Variants in GARIN2 observed in about 807,000 individuals in gnomAD.
GARIN2 encodes the protein golgi associated RAB2 interactor family member 2, also known as Golgi-associated RAB2 interactor protein 2.
At chr14:67,198,114 A>T in the GARIN2 span, 3 of 1,586,634 alleles carry the variant, frequency 1.9e-6, no homozygotes, top group East Asian at 6.7e-5. Flanking sequence ...TGTATCCACT[A>T]ATTGTGTTTC....
chr14:67,213,039 C>A, the GARIN2 span, among the ~76,000 whole-genome samples: 1 of 150,946 alleles, frequency 6.6e-6, no homozygotes, highest in African/African-American at 2.4e-5. Context: ...AATGCTTAGG[C>A]CTCACCCCAT....
chr14:67,208,420 G>C, the GARIN2 span: 2 of 1,613,954 alleles, frequency 1.2e-6, no homozygotes, highest in African/African-American at 1.3e-5. Flanking sequence ...CTGATTTTCA[G>C]AGCACAGCTC....
the GARIN2 span, among the ~76,000 whole-genome samples, chr14:67,222,315 G>T: frequency 6.6e-6 from 1 of 152,100 alleles, no homozygotes; most frequent in Non-Finnish European, 1.5e-5. Flanking sequence ...TTTTTTGTGA[G>T]GCGTAGTCTC....
At chr14:67,219,505 T>C in the GARIN2 span, among the ~76,000 whole-genome samples, 1 of 152,202 alleles carries the variant, frequency 6.6e-6, no homozygotes, top group African/African-American at 2.4e-5. Context: ...GTGTCTCTAG[T>C]CAGCCATCTT....
At chr14:67,216,788 A>T in the GARIN2 span, among the ~76,000 whole-genome samples, 1 of 152,112 alleles carries the variant, frequency 6.6e-6, no homozygotes, top group Non-Finnish European at 1.5e-5. Flanking sequence ...TTGATTTTTA[A>T]AAATTTTGGA....
At chr14:67,220,944 A>G in the GARIN2 span, among the ~76,000 whole-genome samples, 67 of 152,346 alleles carry the variant, frequency 4.4e-4, no homozygotes, top group African/African-American at 1.5e-3. Flanking sequence ...TTGTAGGATA[A>G]TAGCTAAGAT....
chr14:67,209,131 T>G, the GARIN2 span, among the ~76,000 whole-genome samples: 50 of 152,202 alleles, frequency 3.3e-4, no homozygotes, highest in African/African-American at 1.1e-3. Context: ...TGGCAGAGTT[T>G]ACGTGATTCA....
the GARIN2 span, among the ~76,000 whole-genome samples, chr14:67,218,386 G>A: frequency 4.6e-5 from 7 of 152,304 alleles, no homozygotes; most frequent in East Asian, 3.9e-4. Flanking sequence ...CCACAGAGCC[G>A]TTTCTCAAAT....
chr14:67,219,558 T>C, the GARIN2 span, among the ~76,000 whole-genome samples: 71 of 152,220 alleles, frequency 4.7e-4, no homozygotes, highest in Non-Finnish European at 4.4e-5. Context: ...TACCCCTTAA[T>C]AGCTTTTTAA....
the GARIN2 span, chr14:67,204,456 A>AATAT: frequency 2.9e-6 from 4 of 1,361,190 alleles, no homozygotes; most frequent in Non-Finnish European, 2.9e-6. Context: ...CAAACAAACA[A>AATAT]ATATATATAT....
chr14:67,206,439 T>C, the GARIN2 span, among the ~76,000 whole-genome samples: 1 of 151,994 alleles, frequency 6.6e-6, no homozygotes, highest in Admixed American at 6.6e-5. Flanking sequence ...GAGGTTGCAG[T>C]GAGCCAAGAT....
chr14:67,205,919 C>T, the GARIN2 span, among the ~76,000 whole-genome samples: 1 of 152,184 alleles, frequency 6.6e-6, no homozygotes, highest in Admixed American at 6.5e-5. Context: ...TGCAGTGGCT[C>T]ACATCTGTAA....
the GARIN2 span, among the ~76,000 whole-genome samples, chr14:67,210,439 G>A: frequency 1.3e-5 from 2 of 151,014 alleles, no homozygotes; most frequent in Non-Finnish European, 3.0e-5. Context: ...AAAAGAAGAA[G>A]AACAAAGAAA....
At chr14:67,217,229 G>T in the GARIN2 span, among the ~76,000 whole-genome samples, 2 of 151,076 alleles carry the variant, frequency 1.3e-5, no homozygotes, top group Non-Finnish European at 2.9e-5. Flanking sequence ...GGCTACTCTT[G>T]CTTGACTTTG....
the GARIN2 span, among the ~76,000 whole-genome samples, chr14:67,210,469 G>C: frequency 6.6e-6 from 1 of 152,034 alleles, no homozygotes; most frequent in Non-Finnish European, 1.5e-5. Context: ...AGCTATGTTA[G>C]TAATAAGGAA....
chr14:67,214,290 T>C, the GARIN2 span, among the ~76,000 whole-genome samples: 6 of 152,244 alleles, frequency 3.9e-5, no homozygotes, highest in Non-Finnish European at 7.3e-5. Context: ...AGGGTTTTTA[T>C]GGTTCTAGGT....
At chr14:67,198,104 T>A in the GARIN2 span, 1 of 1,565,988 alleles carries the variant, frequency 6.4e-7, no homozygotes, top group Non-Finnish European at 8.6e-7. Flanking sequence ...AAATTCTCTC[T>A]GTATCCACTA....
chr14:67,209,773 G>A, the GARIN2 span, among the ~76,000 whole-genome samples: 3 of 147,838 alleles, frequency 2.0e-5, no homozygotes, highest in Non-Finnish European at 3.0e-5. Context: ...AGCCGAGATC[G>A]TGCCATTAAA....
chr14:67,200,016 A>C, the GARIN2 span: 1 of 961,464 alleles, frequency 1.0e-6, no homozygotes, highest in Non-Finnish European at 1.5e-6. Context: ...CTCATGGTTT[A>C]GGACATCCCC....
Sources: allele counts gnomAD v4.1 joint callset (sites outside exome capture counted in the v4.1 genomes callset), GRCh38; gene constraint gnomAD v4.1.1; transcripts MANE v1.5; gene names NCBI Gene and HGNC (gene_info 2026-07-23, HGNC 2026-07-21).